CSMD2: variants seen among roughly 807,000 people sequenced by gnomAD.
CSMD2 encodes the protein CUB and Sushi multiple domains 2.
Under a neutral mutation model 398.5 loss-of-function variants are expected in CSMD2, and 130 were observed. That is an observed-to-expected ratio of 0.33 (90% CI 0.28 to 0.38). The LOEUF is 0.38. Ranked by LOEUF, CSMD2 falls within the 10% of genes least tolerant of loss-of-function variation. The pLI is 1.00. For synonymous variants in CSMD2, 1,828 were observed against 1,908.5 expected (o/e 0.96, Z 1.10); for missense variants, 3,829 against 4,764.9 (o/e 0.80, Z 5.78).
intron 2 of CSMD2, among the ~76,000 whole-genome samples, chr1:34,082,431 T>C (rs986289172): frequency 8.7e-5 from 13 of 148,854 alleles, no homozygotes; most frequent in Non-Finnish European, 1.3e-4. Flanking sequence ...CGCCCCCGCC[T>C]GGCAGCCGCC....
At chr1:33,549,857 TC>T (rs971053256) in intron 56 of CSMD2, among the ~76,000 whole-genome samples, 3 of 151,974 alleles carry the variant, frequency 2.0e-5, no homozygotes, top group African/African-American at 4.8e-5. Context: ...ACTTGAACTG[TC>T]CCCAGGAACT....
intron 3 of CSMD2, among the ~76,000 whole-genome samples, chr1:33,997,048 A>G (rs139978024): frequency 9.2e-5 from 14 of 152,210 alleles, no homozygotes. Flanking sequence ...AGTTCATCAC[A>G]TACTGGGTTT....
At chr1:34,117,226 G>A (rs1050773373) in intron 1 of CSMD2, among the ~76,000 whole-genome samples, 1 of 151,926 alleles carries the variant, frequency 6.6e-6, no homozygotes, top group African/African-American at 2.4e-5. Flanking sequence ...AGTTAGACTA[G>A]CTTAGAAAAA....
intron 6 of CSMD2, among the ~76,000 whole-genome samples, chr1:33,833,400 C>A (rs1158099974): frequency 3.3e-5 from 5 of 150,742 alleles, no homozygotes; most frequent in African/African-American, 1.2e-4. Context: ...AAGACAAAAA[C>A]CACATGATTA....
chr1:34,007,873 T>C (rs936303306), intron 3 of CSMD2, among the ~76,000 whole-genome samples: 7 of 152,214 alleles, frequency 4.6e-5, no homozygotes, highest in Non-Finnish European at 1.0e-4. Flanking sequence ...TTCTTTGTGC[T>C]CTTGTGAATG....
chr1:33,811,366 G>A (rs1656849629), intron 9 of CSMD2, among the ~76,000 whole-genome samples: 1 of 152,138 alleles, frequency 6.6e-6, no homozygotes, highest in Non-Finnish European at 1.5e-5. Context: ...TCCAGGTTCT[G>A]CCTGCCCCTC....
At chr1:34,045,936 T>C (rs1652473017) in intron 2 of CSMD2, among the ~76,000 whole-genome samples, 1 of 152,242 alleles carries the variant, frequency 6.6e-6, no homozygotes, top group East Asian at 1.9e-4. Context: ...TTTTGGGAAA[T>C]GCACCATGGT....
chr1:33,580,268 G>A (rs1638599012), intron 48 of CSMD2, among the ~76,000 whole-genome samples: 1 of 152,108 alleles, frequency 6.6e-6, no homozygotes, highest in Admixed American at 6.5e-5. Flanking sequence ...TATATTCCCA[G>A]GATTATTTTT....
intron 22 of CSMD2, among the ~76,000 whole-genome samples, chr1:33,708,049 A>G (rs2149145293): frequency 6.6e-6 from 1 of 152,346 alleles, no homozygotes; most frequent in East Asian, 1.9e-4. Context: ...CAGCTCTTTA[A>G]TAAATTCTCC....
chr1:33,825,723 T>C lies in CSMD2; in HGVS notation c.1085A>G (p.Lys362Arg). The change falls in exon 7 of 71, where the codon AAA becomes AGA. Residue 362 changes from lysine (K) to arginine (R), a missense_variant. This residue lies in a region of CSMD2 where 2,001 missense variants were observed against 2,567.1 expected (regional missense o/e 0.78). Coordinates refer to ENST00000373381, the MANE Select transcript of CSMD2 (RefSeq NM_001281956.2). ...KSRGVKLMPS[K>R]DNSQKTSVLT... ...CACAGACGTCTTCTGGCTGTTGTCT[T>C]TGCTGGGCATCAGCTTCACACCTCG... 6.2e-7 allele frequency: 1 copy of C among 1,613,860 alleles called. No individual in the cohort carries two copies. Among genetic ancestry groups the C allele is most frequent in the Non-Finnish European group, 8.5e-7 (1 of 1,179,930 alleles).
intron 6 of CSMD2, among the ~76,000 whole-genome samples, chr1:33,833,392 G>T (rs1361788301): frequency 6.7e-6 from 1 of 150,174 alleles, no homozygotes; most frequent in African/African-American, 2.5e-5. Flanking sequence ...CAGAGCCAAA[G>T]ACAAAAACCA....
At chr1:34,155,735 G>A (rs1043799821) in intron 1 of CSMD2, among the ~76,000 whole-genome samples, 3 of 152,172 alleles carry the variant, frequency 2.0e-5, no homozygotes, top group Admixed American at 6.5e-5. Context: ...CAAGCAGCCC[G>A]AGCCCTGGGC....
chr1:33,572,458 G>A, intron 50 of CSMD2, 48 bp downstream of exon 50: 2 of 1,416,448 alleles, frequency 1.4e-6, no homozygotes, highest in Non-Finnish European at 1.9e-6. Context: ...CTTTCCAGCT[G>A]CCTACCTAGC....
chr1:34,150,742 C>T (rs897288864), intron 1 of CSMD2, among the ~76,000 whole-genome samples: 1 of 151,872 alleles, frequency 6.6e-6, no homozygotes, highest in African/African-American at 2.4e-5. Context: ...GCAAGACCCC[C>T]ATTTCTACAA....
At chr1:33,709,289 A>G in intron 21 of CSMD2, 31 bp from the exon 22 acceptor site, 1 of 1,591,196 alleles carries the variant, frequency 6.3e-7, no homozygotes, top group Non-Finnish European at 8.6e-7. Context: ...ACCATAGATT[A>G]ACCCCCATCA....
intron 3 of CSMD2, among the ~76,000 whole-genome samples, chr1:34,020,211 T>C (rs1467466357): frequency 3.3e-5 from 5 of 152,136 alleles, no homozygotes; most frequent in African/African-American, 1.2e-4. Context: ...TTGGGGCCAC[T>C]GGGTACAGGC....
At position 33,514,242 on chromosome 1, in the gene CSMD2, C is replaced by T. The variant is rs749137132; in HGVS notation, c.*2382G>A. ...ATTACATTTACAAAAAAGGCTTCCA[C>T]TACCGTTTACCTACAATAATGAAAA... On this transcript the variant is annotated 3_prime_UTR_variant, in exon 71 of 71. Coordinates refer to ENST00000373381, the MANE Select transcript of CSMD2 (RefSeq NM_001281956.2). 2.0e-5 allele frequency: 3 copies of T among 150,718 alleles called. No individual in the cohort carries two copies. The highest frequency in any genetic ancestry group is 4.4e-5 in the Non-Finnish European group (3 of 67,844). The allele number at this position is 150,718 out of a possible 1,614,324, so 9.3% of individuals were successfully genotyped here. A position where few individuals can be genotyped will look rare whatever the true frequency, so the allele number is the denominator to read the frequency against.
At chr1:33,996,373 G>A (rs535677328) in intron 3 of CSMD2, among the ~76,000 whole-genome samples, 56 of 152,300 alleles carry the variant, frequency 3.7e-4, no homozygotes, top group Middle Eastern at 3.4e-3. Flanking sequence ...GCTTTTCCAC[G>A]AAAACCTCTT....
At chr1:34,145,555 T>A (rs1307222205) in intron 1 of CSMD2, among the ~76,000 whole-genome samples, 2 of 152,166 alleles carry the variant, frequency 1.3e-5, no homozygotes, top group Non-Finnish European at 2.9e-5. Flanking sequence ...CCAGCAGACC[T>A]GAAAACACAG....
Sources: gnomAD v4.1 joint callset for allele counts (sites outside exome capture counted in the v4.1 genomes callset) on GRCh38, gnomAD v4.1.1 for gene constraint, gnomAD v4.1.1 regional missense constraint, MANE v1.5 for transcripts, NCBI Gene and HGNC (gene_info 2026-07-23, HGNC 2026-07-21) for gene names.